The following KLHL1 variants were observed in gnomAD, a reference collection of about 807,000 sequenced individuals.
KLHL1 encodes the protein kelch like family member 1, also known as kelch-like protein 1.
A neutral mutation model predicts 77.7 loss-of-function variants in KLHL1; 47 were observed. The observed-to-expected ratio is 0.60, with a 90% CI of 0.48 to 0.77. KLHL1 has a LOEUF of 0.77. KLHL1 is among the 30% of genes least tolerant of loss of function. The probability of loss-of-function intolerance (pLI) is 0.00; values close to 1 mark genes in which losing one functional copy is unlikely to be tolerated. For synonymous variants in KLHL1, 360 were observed against 325.2 expected (o/e 1.11, Z -1.15); for missense variants, 925 against 910.8 (o/e 1.02, Z -0.20).
At chr13:69,961,768 A>G (rs2482556) in intron 2 of KLHL1, among the ~76,000 whole-genome samples, 94,468 of 151,156 alleles carry the variant, frequency 0.62, 29,511 homozygotes, top group South Asian at 0.65. Flanking sequence ...TTTCCCCCCT[A>G]AACTATCGTG....
chr13:70,096,449 G>A (rs879852842), intron 1 of KLHL1, among the ~76,000 whole-genome samples: 1 of 151,896 alleles, frequency 6.6e-6, no homozygotes, highest in African/African-American at 2.4e-5. Flanking sequence ...GATTAATGAT[G>A]GTGAGCATTT....
At chr13:69,792,199 G>A (rs780018038) in intron 7 of KLHL1, among the ~76,000 whole-genome samples, 9 of 152,000 alleles carry the variant, frequency 5.9e-5, no homozygotes, top group South Asian at 2.1e-4. Flanking sequence ...GTATCAAAAC[G>A]TAAAAGGAAC....
intron 1 of KLHL1, among the ~76,000 whole-genome samples, chr13:70,024,620 T>TTCTCTCTCTCTC (rs5804459): frequency 3.5e-4 from 45 of 130,402 alleles, no homozygotes; most frequent in South Asian, 1.1e-3. Context: ...GAGAAAAGAT[T>TTCTCTCTCTCTC]TCTCTCTCTC....
intron 5 of KLHL1, among the ~76,000 whole-genome samples, chr13:69,859,748 T>G (rs1029686506): frequency 6.6e-6 from 1 of 152,108 alleles, no homozygotes; most frequent in Non-Finnish European, 1.5e-5. Context: ...TTAGCTAAAT[T>G]TAACCAAGGA....
At chr13:69,950,901 G>A (rs1430049025) in intron 3 of KLHL1, among the ~76,000 whole-genome samples, 2 of 151,504 alleles carry the variant, frequency 1.3e-5, no homozygotes, top group East Asian at 1.9e-4. Flanking sequence ...TCTATAATTC[G>A]TTGTTATATC....
intron 4 of KLHL1, among the ~76,000 whole-genome samples, chr13:69,933,314 G>T (rs543829701): frequency 6.6e-6 from 1 of 152,044 alleles, no homozygotes; most frequent in Non-Finnish European, 1.5e-5. Flanking sequence ...TAATAGTCTT[G>T]AGAAAAATGT....
chr13:69,891,061 G>T (rs914061298), intron 4 of KLHL1, among the ~76,000 whole-genome samples: 1 of 151,894 alleles, frequency 6.6e-6, no homozygotes, highest in Non-Finnish European at 1.5e-5. Flanking sequence ...ATTTCTTTAA[G>T]CATTCAAATT....
At chr13:69,993,938 T>C (rs1885087290) in intron 1 of KLHL1, among the ~76,000 whole-genome samples, 1 of 152,008 alleles carries the variant, frequency 6.6e-6, no homozygotes, top group African/African-American at 2.4e-5. Flanking sequence ...AGTAGAGACA[T>C]GGAATATAGA....
chr13:69,805,125 A>T (rs1752181805), intron 6 of KLHL1, among the ~76,000 whole-genome samples: 2 of 151,658 alleles, frequency 1.3e-5, no homozygotes, highest in Admixed American at 1.3e-4. Flanking sequence ...TTTTTTAAGT[A>T]ATTTGTTATA....
At chr13:70,071,886 C>T (rs887743904) in intron 1 of KLHL1, among the ~76,000 whole-genome samples, 15 of 152,042 alleles carry the variant, frequency 9.9e-5, no homozygotes, top group African/African-American at 3.1e-4. Context: ...ATAATCTATT[C>T]TTCAGCCCCC....
At chr13:69,952,114 T>A (rs73212551) in intron 3 of KLHL1, among the ~76,000 whole-genome samples, 2 of 151,422 alleles carry the variant, frequency 1.3e-5, no homozygotes, top group Non-Finnish European at 3.0e-5. Flanking sequence ...TTTGTTTAAC[T>A]GAATCTGGCA....
chr13:70,061,163 T>C (rs1259362401), intron 1 of KLHL1, among the ~76,000 whole-genome samples: 1 of 152,160 alleles, frequency 6.6e-6, no homozygotes, highest in Non-Finnish European at 1.5e-5. Flanking sequence ...AATGTTTTAA[T>C]CAAATTTTCT....
intron 6 of KLHL1, among the ~76,000 whole-genome samples, chr13:69,817,873 C>G (rs1044757494): frequency 2.0e-5 from 3 of 152,116 alleles, no homozygotes; most frequent in African/African-American, 7.2e-5. Context: ...TGCATTCATA[C>G]AGTCTTCATT....
chr13:69,869,771 T>C (rs1393627614), intron 5 of KLHL1, among the ~76,000 whole-genome samples: 2 of 152,202 alleles, frequency 1.3e-5, no homozygotes, highest in African/African-American at 4.8e-5. Flanking sequence ...AACCTACTTG[T>C]GGTCCCATCA....
intron 7 of KLHL1, among the ~76,000 whole-genome samples, chr13:69,761,176 A>G (rs1593805049): frequency 6.6e-6 from 1 of 152,198 alleles, no homozygotes; most frequent in Non-Finnish European, 1.5e-5. Context: ...AGCATAATGA[A>G]CCAGAATAGT....
chr13:69,857,623 A>G (rs1470568695), intron 5 of KLHL1, among the ~76,000 whole-genome samples: 1 of 152,070 alleles, frequency 6.6e-6, no homozygotes, highest in Non-Finnish European at 1.5e-5. Context: ...TCAGTCAGAA[A>G]GGAATATTGG....
chr13:69,844,245 C>G (rs1248365560), intron 5 of KLHL1, among the ~76,000 whole-genome samples: 1 of 150,518 alleles, frequency 6.6e-6, no homozygotes, highest in Non-Finnish European at 1.5e-5. Context: ...TATGACATGG[C>G]AAATAAAAAT....
chr13:70,016,719 G>A (rs1293622890), intron 1 of KLHL1, among the ~76,000 whole-genome samples: 1 of 152,168 alleles, frequency 6.6e-6, no homozygotes, highest in South Asian at 2.1e-4. Context: ...GGAAGCAGGA[G>A]GCAGACAGGC....
At chr13:70,046,818 G>A (rs1056521906) in intron 1 of KLHL1, among the ~76,000 whole-genome samples, 2 of 152,156 alleles carry the variant, frequency 1.3e-5, no homozygotes, top group South Asian at 4.1e-4. Flanking sequence ...TCTAGCTTAT[G>A]TGTTTATACC....
Sources: allele counts gnomAD v4.1 joint callset (sites outside exome capture counted in the v4.1 genomes callset), GRCh38; gene constraint gnomAD v4.1.1; transcripts MANE v1.5; gene names NCBI Gene and HGNC (gene_info 2026-07-23, HGNC 2026-07-21).